The following CTNNA2 variants were observed in gnomAD, a reference collection of about 807,000 sequenced individuals.
The protein encoded by CTNNA2 is catenin alpha 2.
CTNNA2 carries 42 observed loss-of-function variants against 101.0 expected under a neutral mutation model. The observed-to-expected ratio is 0.42, with a 90% CI of 0.32 to 0.54. CTNNA2 has a LOEUF of 0.54. Ranked by LOEUF, CTNNA2 falls within the 20% of genes least tolerant of loss-of-function variation. The pLI, the probability that CTNNA2 is intolerant of heterozygous loss-of-function variation, is 0.14. For synonymous variants in CTNNA2, 450 were observed against 456.4 expected (o/e 0.99, Z 0.18); for missense variants, 871 against 1,223.1 (o/e 0.71, Z 4.29).
intron 9 of CTNNA2, among the ~76,000 whole-genome samples, chr2:80,536,435 C>T (rs927445235): frequency 6.6e-6 from 1 of 152,014 alleles, no homozygotes; most frequent in Admixed American, 6.6e-5. Context: ...TATGGACCTT[C>T]GAATTGCTAT....
chr2:80,061,152 T>A (rs1270156411), intron 7 of CTNNA2, among the ~76,000 whole-genome samples: 1 of 152,102 alleles, frequency 6.6e-6, no homozygotes, highest in Non-Finnish European at 1.5e-5. Flanking sequence ...ACAAGGCAAA[T>A]CTAGGAAAAA....
chr2:79,556,870 T>G (rs931777981), intron 1 of CTNNA2, among the ~76,000 whole-genome samples: 6 of 152,028 alleles, frequency 3.9e-5, no homozygotes, highest in Admixed American at 2.0e-4. Flanking sequence ...GTACTGGTTT[T>G]AAAACATAGG....
At chr2:79,584,123 C>T (rs995532195) in intron 1 of CTNNA2, among the ~76,000 whole-genome samples, 4 of 152,036 alleles carry the variant, frequency 2.6e-5, no homozygotes, top group Admixed American at 6.6e-5. Flanking sequence ...ATCTAGTTAC[C>T]GTTTCCTAAA....
At chr2:79,310,123 T>A (rs988556392) in intron 2 of CTNNA2, among the ~76,000 whole-genome samples, 1 of 152,196 alleles carries the variant, frequency 6.6e-6, no homozygotes, top group African/African-American at 2.4e-5. Context: ...GTTTTCTGTA[T>A]AAAGGATCAT....
At chr2:80,073,771 C>CACACTG (rs1553443664) in intron 7 of CTNNA2, among the ~76,000 whole-genome samples, 1 of 146,388 alleles carries the variant, frequency 6.8e-6, no homozygotes, top group African/African-American at 2.6e-5. Flanking sequence ...CACACACACA[C>CACACTG]TTATAGGATT....
chr2:79,944,101 A>G (rs1269699500), intron 7 of CTNNA2, among the ~76,000 whole-genome samples: 2 of 151,288 alleles, frequency 1.3e-5, no homozygotes, highest in Non-Finnish European at 2.9e-5. Flanking sequence ...TTAACAAAGG[A>G]GGATTCTGAA....
At chr2:80,611,075 A>G (rs1698431511) in intron 17 of CTNNA2, among the ~76,000 whole-genome samples, 1 of 151,570 alleles carries the variant, frequency 6.6e-6, no homozygotes, top group Admixed American at 6.6e-5. Flanking sequence ...ATCTCAAAGT[A>G]GAAAATGCAT....
chr2:79,628,616 G>A (rs1313104421), intron 1 of CTNNA2, among the ~76,000 whole-genome samples: 4 of 152,150 alleles, frequency 2.6e-5, no homozygotes, highest in Non-Finnish European at 4.4e-5. Flanking sequence ...TTGCTCCATA[G>A]AAGCAGTTCA....
intron 3 of CTNNA2, among the ~76,000 whole-genome samples, chr2:79,325,702 C>A (rs1431371035): frequency 6.6e-6 from 1 of 152,192 alleles, no homozygotes; most frequent in Non-Finnish European, 1.5e-5. Context: ...TCCATCCAGG[C>A]AGCCTCCCCA....
chr2:80,472,519 C>T (rs1685391900), intron 9 of CTNNA2, among the ~76,000 whole-genome samples: 1 of 152,156 alleles, frequency 6.6e-6, no homozygotes, highest in South Asian at 2.1e-4. Context: ...TACTAAATTA[C>T]CTGAAAGGAA....
chr2:80,495,489 A>G (rs1158788812), intron 9 of CTNNA2, among the ~76,000 whole-genome samples: 1 of 152,206 alleles, frequency 6.6e-6, no homozygotes, highest in Non-Finnish European at 1.5e-5. Context: ...CCAAAAAAAG[A>G]AAAGGAAGAA....
intron 1 of CTNNA2, among the ~76,000 whole-genome samples, chr2:79,194,726 G>A (rs1673935642): frequency 6.6e-6 from 1 of 152,124 alleles, no homozygotes; most frequent in Admixed American, 6.5e-5. Flanking sequence ...ATCTCCTTCA[G>A]CTGTCACTGG....
chr2:80,365,976 T>G (rs1313921105), intron 7 of CTNNA2, among the ~76,000 whole-genome samples: 1 of 152,150 alleles, frequency 6.6e-6, no homozygotes, highest in Non-Finnish European at 1.5e-5. Flanking sequence ...TAATGCCCTG[T>G]AATTGTGTTT....
At chr2:79,538,955 C>T (rs1044652366) in intron 1 of CTNNA2, among the ~76,000 whole-genome samples, 2 of 152,100 alleles carry the variant, frequency 1.3e-5, no homozygotes, top group African/African-American at 4.8e-5. Flanking sequence ...TGAACGAGGG[C>T]AGCATACTTG....
chr2:79,580,858 T>G (rs181400117), intron 1 of CTNNA2, among the ~76,000 whole-genome samples: 1 of 152,166 alleles, frequency 6.6e-6, no homozygotes, highest in South Asian at 2.1e-4. Flanking sequence ...CTGGTATATA[T>G]GCATGAGAAA....
intron 2 of CTNNA2, among the ~76,000 whole-genome samples, chr2:79,724,304 A>C (rs539948948): frequency 5.9e-5 from 9 of 151,948 alleles, no homozygotes; most frequent in Non-Finnish European, 1.2e-4. Context: ...AAGAAACTGC[A>C]AGAAGTTCCC....
chr2:80,279,049 C>CGTGTGTGTGTGTGTGT (rs3219982), intron 7 of CTNNA2, among the ~76,000 whole-genome samples: 3,424 of 135,748 alleles, frequency 0.025, 64 homozygotes, highest in Non-Finnish European at 0.03. Context: ...ATGACTTTTA[C>CGTGTGTGTGTGTGTGT]GTGTGTGTGT....
intron 9 of CTNNA2, among the ~76,000 whole-genome samples, chr2:80,527,011 A>C (rs1434071): frequency 0.39 from 59,134 of 152,032 alleles, 11,763 homozygotes; most frequent in South Asian, 0.55. Flanking sequence ...TCTGCATTTC[A>C]GGGGAAAAAA....
intron 7 of CTNNA2, among the ~76,000 whole-genome samples, chr2:80,244,346 G>C (rs1671166663): frequency 6.6e-6 from 1 of 152,184 alleles, no homozygotes; most frequent in African/African-American, 2.4e-5. Context: ...AGAGAAAAGT[G>C]GTTCTGACCA....
Sources: gnomAD v4.1 joint callset for allele counts (sites outside exome capture counted in the v4.1 genomes callset) on GRCh38, gnomAD v4.1.1 for gene constraint, MANE v1.5 for transcripts, NCBI Gene and HGNC (gene_info 2026-07-23, HGNC 2026-07-21) for gene names.